Variants in CIROZ observed in about 807,000 individuals in gnomAD.
The protein encoded by CIROZ is ciliated left-right organizer ZP-N domains-containing protein.
At chr1:10,951,458 G>C in the CIROZ span, among the ~76,000 whole-genome samples, 2 of 151,668 alleles carry the variant, frequency 1.3e-5, no homozygotes, top group Non-Finnish European at 2.9e-5. Flanking sequence ...AGCTACTCGG[G>C]AGGCTGAAGC....
the CIROZ span, chr1:10,955,247 T>G: frequency 6.8e-7 from 1 of 1,480,086 alleles, no homozygotes; most frequent in Non-Finnish European, 9.2e-7. Context: ...GTGGACAAAT[T>G]AAGTGGTGGT....
the CIROZ span, among the ~76,000 whole-genome samples, chr1:10,953,603 T>C: frequency 1.0e-3 from 154 of 152,368 alleles, no homozygotes; most frequent in African/African-American, 3.6e-3. Context: ...GCTCTTCTTG[T>C]GCCAGGCACT....
the CIROZ span, among the ~76,000 whole-genome samples, chr1:10,967,909 G>A: frequency 5.3e-5 from 8 of 152,340 alleles, no homozygotes; most frequent in East Asian, 1.5e-3. Flanking sequence ...AGGAGGCGGA[G>A]GTTGCAGTGC....
At chr1:10,967,588 A>AT in the CIROZ span, among the ~76,000 whole-genome samples, 1 of 152,254 alleles carries the variant, frequency 6.6e-6, no homozygotes, top group African/African-American at 2.4e-5. Context: ...TGTCAGCTCC[A>AT]TGGGGCCAGG....
the CIROZ span, chr1:10,970,113 G>T: frequency 6.7e-7 from 1 of 1,495,272 alleles, no homozygotes; most frequent in Non-Finnish European, 8.9e-7. Context: ...AAGGAGGAGG[G>T]AGGGAGGTGG....
chr1:10,951,745 A>AAAAAAAAAATATAT, the CIROZ span, among the ~76,000 whole-genome samples: 545 of 118,960 alleles, frequency 4.6e-3, 5 homozygotes, highest in African/African-American at 0.018. Flanking sequence ...AAAAAAAAAA[A>AAAAAAAAAATATAT]ATATATATAT....
At chr1:10,958,160 G>A in the CIROZ span, among the ~76,000 whole-genome samples, 16 of 152,280 alleles carry the variant, frequency 1.1e-4, no homozygotes, top group East Asian at 1.5e-3. Context: ...GGCCAGATGC[G>A]GGCAGAGGGA....
At chr1:10,946,508 G>A in the CIROZ span, 5 of 152,274 alleles carry the variant, frequency 3.3e-5, no homozygotes, top group African/African-American at 7.2e-5. Flanking sequence ...TGTTCCGGGC[G>A]GGCGTTGCCG....
the CIROZ span, among the ~76,000 whole-genome samples, chr1:10,962,678 A>C: frequency 6.6e-6 from 1 of 152,304 alleles, no homozygotes; most frequent in African/African-American, 2.4e-5. Context: ...ACCAGCTGGC[A>C]AGTCTCCTAA....
chr1:10,974,068 C>G, the CIROZ span, among the ~76,000 whole-genome samples: 16 of 152,064 alleles, frequency 1.1e-4, no homozygotes, highest in Non-Finnish European at 2.4e-4. The surrounding 1 kb of genome is among the most constrained non-coding windows in gnomAD (Gnocchi z 4.4). Flanking sequence ...GCCTGTGAGC[C>G]ATGAATGGCA....
At chr1:10,975,173 C>T in the CIROZ span, among the ~76,000 whole-genome samples, 60 of 152,070 alleles carry the variant, frequency 3.9e-4, no homozygotes, top group African/African-American at 1.4e-3. Context: ...TCTGGTAGGC[C>T]GAGGCGGGTG....
At chr1:10,973,230 G>T in the CIROZ span, among the ~76,000 whole-genome samples, 3 of 152,090 alleles carry the variant, frequency 2.0e-5, no homozygotes, top group Non-Finnish European at 2.9e-5. Context: ...AAAATTAGCT[G>T]GGCGTGGTTG....
At chr1:10,951,856 T>C in the CIROZ span, among the ~76,000 whole-genome samples, 76 of 151,596 alleles carry the variant, frequency 5.0e-4, no homozygotes, top group African/African-American at 1.6e-3. Flanking sequence ...TAATTAGGAT[T>C]TGTCCTATAG....
the CIROZ span, among the ~76,000 whole-genome samples, chr1:10,947,074 C>T: frequency 6.6e-6 from 1 of 152,224 alleles, no homozygotes; most frequent in East Asian, 1.9e-4. Context: ...ACGTTCCTTT[C>T]CCACCCAACT....
the CIROZ span, chr1:10,976,010 G>T: frequency 3.1e-6 from 2 of 650,342 alleles, no homozygotes; most frequent in African/African-American, 1.8e-5. Context: ...GAGAATGACA[G>T]CCTGAAATCC....
chr1:10,961,717 G>A, the CIROZ span, among the ~76,000 whole-genome samples: 1 of 152,182 alleles, frequency 6.6e-6, no homozygotes, highest in Admixed American at 6.5e-5. Context: ...GCCAAGGCAG[G>A]TGGATCGGTT....
the CIROZ span, chr1:10,957,140 C>T: frequency 6.6e-7 from 1 of 1,516,194 alleles, no homozygotes; most frequent in Non-Finnish European, 8.9e-7. Flanking sequence ...CCTGAGGTCT[C>T]CAAAACTGCT....
At chr1:10,957,247 G>T in the CIROZ span, 3 of 673,524 alleles carry the variant, frequency 4.5e-6, no homozygotes, top group Non-Finnish European at 4.9e-6. Flanking sequence ...CCAGGTCAGG[G>T]ATTATGGCGC....
the CIROZ span, among the ~76,000 whole-genome samples, chr1:10,981,496 AG>A: frequency 6.6e-6 from 1 of 151,652 alleles, no homozygotes; most frequent in Non-Finnish European, 1.5e-5. Flanking sequence ...GAAAGAGAAA[AG>A]AAAGGAAAGG....
Sources: allele counts gnomAD v4.1 joint callset (sites outside exome capture counted in the v4.1 genomes callset), GRCh38; gene constraint gnomAD v4.1.1; non-coding constraint Gnocchi (gnomAD v3.1); transcripts MANE v1.5; gene names NCBI Gene and HGNC (gene_info 2026-07-23, HGNC 2026-07-21).